The following SLC34A1 variants were observed in gnomAD, a reference collection of about 807,000 sequenced individuals.
SLC34A1 encodes the protein solute carrier family 34 member 1.
In SLC34A1, 57 loss-of-function variants were observed where a neutral mutation model predicts 51.4. The ratio of observed to expected loss-of-function variants is 1.11; its 90% CI spans 0.90 to 1.38. The LOEUF (loss-of-function observed/expected upper bound fraction) is 1.38. Among genes scored for constraint, SLC34A1 ranks in the 40% most tolerant of loss-of-function variants. The pLI is 0.00. For synonymous variants in SLC34A1, 368 were observed against 358.0 expected (o/e 1.03, Z -0.32); for missense variants, 796 against 835.6 (o/e 0.95, Z 0.58).
chr5:177,398,554 G>A lies in SLC34A1; in HGVS notation c.*268G>A, dbSNP rs970637963. 1.2e-5 allele frequency: 7 copies of A among 570,944 alleles called. No homozygotes were observed. Among genetic ancestry groups the A allele is most frequent in the African/African-American group, 3.7e-5 (2 of 53,400 alleles). 35.4% of individuals were successfully genotyped at this position (570,944 alleles called of 1,614,324 possible). ...TGCAGGTGTACACAGACACACCTGT[G>A]GGAGGCTGTGTGCAGGCTGCAGGAT... is the stretch of plus-strand genomic sequence containing the variant. On this transcript the variant is annotated 3_prime_UTR_variant, in exon 13 of 13. Transcript: ENST00000324417. The surrounding 1 kb of genome is among the most constrained non-coding windows in gnomAD (Gnocchi z 4.7).
At chr5:177,385,602 G>A in intron 1 of SLC34A1, 93 bp from the exon 2 acceptor site, 1 of 710,958 alleles carries the variant, frequency 1.4e-6, no homozygotes, top group Non-Finnish European at 2.6e-6. Context: ...GGTGTGCTTT[G>A]CTAGGTGTGT....
In SLC34A1 at chr5:177,398,190, C is replaced by T; in HGVS notation, c.1824C>T (p.Pro608=). The T allele has an allele frequency of 6.2e-7, 1 of 1,610,186 alleles. No individual in the cohort carries two copies. Among genetic ancestry groups the T allele is most frequent in the South Asian group, 1.1e-5 (1 of 91,062 alleles). ...GTGCCAGGCCTGAGCCCCGCTCACC[C>T]CCGCTGCCCCCCAGGGTCTTCCTGG... ...LCCARPEPRS[P]PLPPRVFLEE... The change falls in exon 13 of 13, where the codon CCC becomes CCT. Residue 608 remains proline (P), a synonymous_variant. Coordinates refer to ENST00000324417, the MANE Select transcript of SLC34A1 (RefSeq NM_003052.5). The surrounding 1 kb of genome is among the most constrained non-coding windows in gnomAD (Gnocchi z 4.7).
At position 177,396,640 on chromosome 5, in the gene SLC34A1, G is replaced by A. The variant is rs1214308787; in HGVS notation, c.1175-93G>A. ...GGAGATCCGCTCTCCCAGTGCCCCC[G>A]CGGAGGTCCGCTCTCCCAGTGCCCC... On this transcript the variant is annotated intron_variant, in intron 10 of 12. Coordinates refer to ENST00000324417, the MANE Select transcript of SLC34A1 (RefSeq NM_003052.5). The surrounding 1 kb of genome is among the most constrained non-coding windows in gnomAD (Gnocchi z 4.0). The A allele has an allele frequency of 1.3e-5, 13 of 971,790 alleles. No individual in the cohort carries two copies. The highest frequency in any genetic ancestry group is 1.6e-5 in the African/African-American group (1 of 61,234). The allele number at this position is 971,790 out of a possible 1,614,324, so 60.2% of individuals were successfully genotyped here.
Position 177,386,578 on chromosome 5 carries a change from C to G in SLC34A1, c.532+12C>G, listed in dbSNP as rs1312859628. The G allele has an allele frequency of 7.4e-6, 12 of 1,613,670 alleles. No homozygotes were observed. The highest frequency in any genetic ancestry group is 1.0e-5 in the Non-Finnish European group (12 of 1,179,936). On this transcript the variant is annotated intron_variant, in intron 5 of 12. Coordinates refer to ENST00000324417, the MANE Select transcript of SLC34A1 (RefSeq NM_003052.5). The surrounding 1 kb of genome is among the most constrained non-coding windows in gnomAD (Gnocchi z 4.8). ...GGTCTCCTCTGGCTGTGAGTTGGCC[C>G]ACCAGGGTGGGGAAGAGCTTGGAGG...
Position 177,388,205 on chromosome 5 carries a change from G to A in SLC34A1, c.840+16G>A. The A allele has an allele frequency of 6.2e-7, 1 of 1,614,096 alleles. No individual in the cohort carries two copies. Among genetic ancestry groups the A allele is most frequent in the South Asian group, 1.1e-5 (1 of 91,082 alleles). The stretch of plus-strand genomic sequence containing the variant: ...CATCATCCAGGTGACAGCAGGGCCT[G>A]GCATGGGGTGAGGGTGGGGGTAACA... On this transcript the variant is annotated intron_variant, in intron 7 of 12. Transcript: ENST00000324417. The surrounding 1 kb of genome is among the most constrained non-coding windows in gnomAD (Gnocchi z 4.3).
chr5:177,397,213 T>C (rs1158521081), intron 12 of SLC34A1, 139 bp downstream of exon 12: 18 of 1,149,312 alleles, frequency 1.6e-5, no homozygotes, highest in Middle Eastern at 2.9e-4. Flanking sequence ...GAAACCATTA[T>C]GGGCAAAGTA....
In SLC34A1 at chr5:177,386,153, G is replaced by A; in HGVS notation, c.259+17G>A. 1.2e-6 allele frequency: 2 copies of A among 1,613,884 alleles called. No individual in the cohort carries two copies. Among genetic ancestry groups the A allele is most frequent in the Non-Finnish European group, 1.7e-6 (2 of 1,179,906 alleles). ...AGAAGCCAGGTGGGCCTGGGCTGGGGGTGGCAGAGGCGGCAGCAGTCCCTG... is the reference window on the plus strand; with the variant it reads ...AGAAGCCAGGTGGGCCTGGGCTGGGAGTGGCAGAGGCGGCAGCAGTCCCTG... On this transcript the variant is annotated intron_variant, in intron 3 of 12. Transcript: ENST00000324417. This position sits in a 1 kb window ranked among gnomAD's most constrained non-coding sequence, Gnocchi z 4.8.
At chr5:177,392,768 T>C (rs973346157) in intron 8 of SLC34A1, among the ~76,000 whole-genome samples, 49 of 152,102 alleles carry the variant, frequency 3.2e-4, no homozygotes, top group Non-Finnish European at 5.1e-4. Context: ...GGACTACAGG[T>C]GTACACCACC....
rs1278120495 is a variant in SLC34A1 at position 177,398,010 on chromosome 5, C to T, written c.1644C>T (p.Phe548=). The T allele has an allele frequency of 6.2e-6, 10 of 1,613,880 alleles. No homozygotes were observed. Among genetic ancestry groups the T allele is most frequent in the African/African-American group, 4.0e-5 (3 of 74,890 alleles). Reference sequence around the variant, plus strand: ...TCATGGTAGGTGTGGGCACGCCCTTCGGGGCCCTGCTGGCCTTCGTGGTGC... The same window carrying T: ...TCATGGTAGGTGTGGGCACGCCCTTTGGGGCCCTGCTGGCCTTCGTGGTGC... The part of the protein sequence containing the change: ...WQVMVGVGTP[F]GALLAFVVLI... Residue 548 remains phenylalanine (F), a synonymous_variant, in exon 13 of 13, where the codon TTC becomes TTT. Transcript: ENST00000324417. The surrounding 1 kb of genome is among the most constrained non-coding windows in gnomAD (Gnocchi z 4.7).
At position 177,387,780 on chromosome 5, in the gene SLC34A1, C is replaced by T; in HGVS notation, c.551C>T (p.Ala184Val). 1 of 1,614,004 alleles carries T rather than the reference C, an allele frequency of 6.2e-7. No individual in the cohort carries two copies. Residue 184 changes from alanine to valine, a missense_variant, in exon 6 of 13, where the codon GCC becomes GTC. Ala to Val is a moderately conservative substitution (Grantham distance 64). Transcript: ENST00000324417. ...CTACCAGTGCTGGAGGTGAGCTCTG[C>T]CATCCCCATCATCATGGGCTCCAAC... Reference protein sequence around the residue: ...VSSGLLEVSSAIPIIMGSNIG... With the variant: ...VSSGLLEVSSVIPIIMGSNIG...
At chr5:177,393,841 AC>A in intron 9 of SLC34A1, 78 bp downstream of exon 9, 1 of 1,526,960 alleles carries the variant, frequency 6.5e-7, no homozygotes, top group Admixed American at 1.7e-5. Context: ...CCACACAGCC[AC>A]TATTGTGTCC....
chr5:177,387,353 C>A (rs1424036256), intron 5 of SLC34A1, among the ~76,000 whole-genome samples: 1 of 152,190 alleles, frequency 6.6e-6, no homozygotes, highest in Admixed American at 6.5e-5. Context: ...CGAGATCATG[C>A]CACTGCACTC....
intron 8 of SLC34A1, chr5:177,390,119 C>T: frequency 2.8e-6 from 3 of 1,062,460 alleles, no homozygotes; most frequent in Non-Finnish European, 3.4e-6. Context: ...CCCCGTGCTC[C>T]CTTCCAACCT....
chr5:177,385,626 C>T (rs1047333719), intron 1 of SLC34A1, 69 bp from the exon 2 acceptor site: 18 of 758,218 alleles, frequency 2.4e-5, no homozygotes, highest in South Asian at 5.9e-5. Flanking sequence ...TGGAATCATG[C>T]GCCATGGGGG....
rs1383559182 is a variant in SLC34A1, at chr5:177,394,052, G to T, written c.1031G>T (p.Gly344Val). Residue 344 changes from glycine (G) to valine (V), a missense_variant, in exon 10 of 13, where the codon GGC (glycine) becomes GTC (valine). Coordinates refer to ENST00000324417, the MANE Select transcript of SLC34A1 (RefSeq NM_003052.5). Reference sequence around the variant, plus strand: ...GGCAACCACATCTTTGTGGACACTGGCCTACCGGACCTGGCTGTGGGGCTC... The same window carrying T: ...GGCAACCACATCTTTGTGGACACTGTCCTACCGGACCTGGCTGTGGGGCTC... ...EKCNHIFVDT[G>V]LPDLAVGLIL... The T allele has an allele frequency of 1.2e-6, 2 of 1,613,926 alleles. No individual in the cohort carries two copies. Among genetic ancestry groups the T allele is most frequent in the Non-Finnish European group, 1.7e-6 (2 of 1,180,046 alleles).
In SLC34A1 at chr5:177,387,264, A is replaced by T. The variant is rs915401191; in HGVS notation, c.533-498A>T. Among the ~76,000 whole-genome samples the T allele has an allele frequency of 4.0e-5, 6 of 151,888 alleles. No individual in the cohort carries two copies. The South Asian group carries it at 1.2e-3, about 32-fold the overall frequency. Reference sequence around the variant, plus strand: ...AAAAGCATTAGCCAGGCGTGGTGGCAGGTGTCTGCAGTCCCAGCTACTCAG... The same window carrying T: ...AAAAGCATTAGCCAGGCGTGGTGGCTGGTGTCTGCAGTCCCAGCTACTCAG... On this transcript the variant is annotated intron_variant, in intron 5 of 12. Transcript: ENST00000324417.
At chr5:177,390,767 G>A (rs1762776044) in intron 8 of SLC34A1, among the ~76,000 whole-genome samples, 1 of 151,966 alleles carries the variant, frequency 6.6e-6, no homozygotes, top group Non-Finnish European at 1.5e-5. Flanking sequence ...AAACTGCTGC[G>A]CTGGCCCACA....
At position 177,396,719 on chromosome 5, in the gene SLC34A1, C is replaced by T. The variant is rs374639149; in HGVS notation, c.1175-14C>T. ...GCTCTGACCCCAGCCTGCTGGGATG[C>T]GGTTTCCTTGCAGACTTCCCTGCCC... On this transcript the variant is annotated splice_polypyrimidine_tract_variant and intron_variant, in intron 10 of 12. Coordinates refer to ENST00000324417, the MANE Select transcript of SLC34A1 (RefSeq NM_003052.5). This position sits in a 1 kb window ranked among gnomAD's most constrained non-coding sequence, Gnocchi z 4.0. 26 of 1,611,318 alleles carry T rather than the reference C, an allele frequency of 1.6e-5. No individual in the cohort carries two copies. Among genetic ancestry groups the T allele is most frequent in the Middle Eastern group, 1.6e-4 (1 of 6,070 alleles).
At position 177,386,204 on chromosome 5, in the gene SLC34A1, T is replaced by C. The variant is rs757450905; in HGVS notation, c.260-17T>C. On this transcript the variant is annotated splice_polypyrimidine_tract_variant and intron_variant, in intron 3 of 12. Transcript: ENST00000324417. This position sits in a 1 kb window ranked among gnomAD's most constrained non-coding sequence, Gnocchi z 4.8. The stretch of plus-strand genomic sequence containing the variant: ...CCCTGGCCTCTGCCCACTATGCTCA[T>C]GGCTTCCCCCATCCAGAGTCCAGGC... 15 of 1,614,136 alleles carry C rather than the reference T, an allele frequency of 9.3e-6. No homozygotes were observed. The highest frequency in any genetic ancestry group is 1.2e-5 in the Non-Finnish European group (14 of 1,180,024).
Sources: allele counts gnomAD v4.1 joint callset (sites outside exome capture counted in the v4.1 genomes callset), GRCh38; gene constraint gnomAD v4.1.1; non-coding constraint Gnocchi (gnomAD v3.1); transcripts MANE v1.5; gene names NCBI Gene and HGNC (gene_info 2026-07-23, HGNC 2026-07-21).